The following ADAMTS17 variants were observed in gnomAD, a reference collection of about 807,000 sequenced individuals.
The protein encoded by ADAMTS17 is A disintegrin and metalloproteinase with thrombospondin motifs 17.
In ADAMTS17, 113 loss-of-function variants were observed where a neutral mutation model predicts 141.5. The ratio of observed to expected loss-of-function variants is 0.80; its 90% CI spans 0.69 to 0.93. ADAMTS17 has a LOEUF of 0.93. ADAMTS17 is among the 40% of genes least tolerant of loss of function. ADAMTS17 has a pLI of 0.00. For missense variants in ADAMTS17, 1,659 were observed against 1,517.9 expected (o/e 1.09, Z -1.54); for synonymous variants, 768 against 630.6 (o/e 1.22, Z -3.27).
intron 4 of ADAMTS17, among the ~76,000 whole-genome samples, chr15:100,280,877 C>T (rs373570455): frequency 6.6e-6 from 1 of 152,148 alleles, no homozygotes; most frequent in Non-Finnish European, 1.5e-5. Context: ...TTGTTCCCCC[C>T]GCTAGACTAT....
intron 17 of ADAMTS17, among the ~76,000 whole-genome samples, chr15:100,049,360 A>G (rs2031963844): frequency 6.6e-6 from 1 of 152,202 alleles, no homozygotes; most frequent in Non-Finnish European, 1.5e-5. Flanking sequence ...TCTGATCTCA[A>G]TTAAAGACCT....
chr15:100,279,358 CTCTG>C (rs1284005797), intron 4 of ADAMTS17, among the ~76,000 whole-genome samples: 4 of 152,228 alleles, frequency 2.6e-5, no homozygotes, highest in Non-Finnish European at 5.9e-5. Flanking sequence ...CCAGCCCAGG[CTCTG>C]CACCTTCGCT....
At chr15:100,272,270 T>C (rs1044819585) in intron 4 of ADAMTS17, among the ~76,000 whole-genome samples, 4 of 152,160 alleles carry the variant, frequency 2.6e-5, no homozygotes, top group East Asian at 1.9e-4. Flanking sequence ...AGAAATTGCA[T>C]TGAATCTGTA....
chr15:100,205,224 C>T (rs2041490251), intron 7 of ADAMTS17, among the ~76,000 whole-genome samples: 1 of 152,136 alleles, frequency 6.6e-6, no homozygotes, highest in Non-Finnish European at 1.5e-5. Flanking sequence ...TCGAGGGTCC[C>T]TGGGCTGGAG....
At chr15:100,084,491 G>A (rs2034966880) in intron 15 of ADAMTS17, among the ~76,000 whole-genome samples, 1 of 152,214 alleles carries the variant, frequency 6.6e-6, no homozygotes, top group Non-Finnish European at 1.5e-5. Flanking sequence ...CTTGAAGAGA[G>A]TAGTAGTTCT....
At chr15:100,127,773 G>A in intron 12 of ADAMTS17, among the ~76,000 whole-genome samples, 1 of 134,034 alleles carries the variant, frequency 7.5e-6, no homozygotes, top group East Asian at 2.7e-4. Flanking sequence ...GTAGAGACAG[G>A]GTTTCACCAT....
chr15:100,312,913 T>G (rs1191136215), intron 3 of ADAMTS17, among the ~76,000 whole-genome samples: 1 of 152,168 alleles, frequency 6.6e-6, no homozygotes, highest in Non-Finnish European at 1.5e-5. Context: ...CCTTACACAT[T>G]TAAATTGGAA....
intron 13 of ADAMTS17, among the ~76,000 whole-genome samples, chr15:100,111,211 G>A (rs928387673): frequency 3.3e-5 from 5 of 152,170 alleles, no homozygotes; most frequent in Admixed American, 6.5e-5. Context: ...AGACAGACAC[G>A]TGATGTTTGC....
At position 100,318,694 on chromosome 15, in the gene ADAMTS17, C is replaced by T. The variant is rs940954131; in HGVS notation, c.616+12195G>A. On this transcript the variant is annotated intron_variant, in intron 3 of 21. Transcript: ENST00000268070. ...CTTAGGCAAATGCAAAATAAACAAA[C>T]GGGAAAATCTCCTGTTCCAGAAAGG... 3.3e-5 allele frequency among the ~76,000 whole-genome samples: 5 copies of T among 152,194 alleles called. 1 individual carries two copies. Among genetic ancestry groups the T allele is most frequent in the Admixed American group, 1.3e-4 (2 of 15,288 alleles).
At chr15:100,193,255 A>G (rs1461691154) in intron 8 of ADAMTS17, among the ~76,000 whole-genome samples, 1 of 152,152 alleles carries the variant, frequency 6.6e-6, no homozygotes, top group Non-Finnish European at 1.5e-5. Context: ...GTCCTCCTTG[A>G]GGTCTCCCGG....
At chr15:100,260,275 C>A (rs149202341) in intron 6 of ADAMTS17, among the ~76,000 whole-genome samples, 121 of 152,286 alleles carry the variant, frequency 7.9e-4, no homozygotes, top group Admixed American at 3.2e-3. Context: ...GAAATGCAAC[C>A]AAAAGCCTTT....
intron 21 of ADAMTS17, 92 bp from the exon 22 acceptor site, chr15:99,974,654 G>T: frequency 6.5e-7 from 1 of 1,532,134 alleles, no homozygotes; most frequent in South Asian, 1.1e-5. Context: ...CTGACCGTCT[G>T]GGCTCCCTCA....
At chr15:100,164,367 T>C (rs917858415) in intron 8 of ADAMTS17, among the ~76,000 whole-genome samples, 1 of 144,458 alleles carries the variant, frequency 6.9e-6, no homozygotes, top group Non-Finnish European at 1.5e-5. Flanking sequence ...CATCTATGAC[T>C]AAACAGGGAT....
At chr15:100,112,479 TGAG>T (rs964031915) in intron 13 of ADAMTS17, among the ~76,000 whole-genome samples, 10 of 152,082 alleles carry the variant, frequency 6.6e-5, no homozygotes, top group Admixed American at 6.6e-4. Flanking sequence ...TTTTAAAATG[TGAG>T]GAGGAGGCTC....
chr15:100,327,053 T>C (rs1242368888), intron 3 of ADAMTS17, among the ~76,000 whole-genome samples: 3 of 152,292 alleles, frequency 2.0e-5, no homozygotes, highest in Middle Eastern at 3.4e-3. Context: ...TGCCAGAGGT[T>C]GCACATTTTT....
chr15:99,971,600 TATG>T lies in ADAMTS17; in HGVS notation c.*2799_*2801del, dbSNP rs2060205066. 2 of 152,308 alleles carry T rather than the reference TATG, an allele frequency of 1.3e-5. No homozygotes were observed. Among genetic ancestry groups the T allele is most frequent in the East Asian group, 3.9e-4 (2 of 5,186 alleles). The allele number at this position is 152,308 out of a possible 1,614,324, so 9.4% of individuals were successfully genotyped here. On this transcript the variant is annotated 3_prime_UTR_variant, in exon 22 of 22. Transcript: ENST00000268070. ...TAAAACAAAAATTCCATGGGTACAGTATGTAATGCAAGTTAACGAATGGAAAAT... is the reference window on the plus strand; with the variant it reads ...TAAAACAAAAATTCCATGGGTACAGTTAATGCAAGTTAACGAATGGAAAAT...
intron 8 of ADAMTS17, among the ~76,000 whole-genome samples, chr15:100,159,142 A>G (rs533064874): frequency 6.6e-6 from 1 of 152,240 alleles, no homozygotes; most frequent in Non-Finnish European, 1.5e-5. Context: ...AAAAAATTGA[A>G]ACCAGAATCT....
chr15:100,221,829 A>G (rs2042142441), intron 7 of ADAMTS17, among the ~76,000 whole-genome samples: 1 of 152,176 alleles, frequency 6.6e-6, no homozygotes. Context: ...AGGGCCTGAA[A>G]TAAGGCTGCT....
intron 18 of ADAMTS17, among the ~76,000 whole-genome samples, chr15:100,040,795 A>T (rs1304065877): frequency 2.0e-5 from 3 of 152,214 alleles, no homozygotes; most frequent in Admixed American, 6.5e-5. Context: ...GACAGGTGAC[A>T]TCCTGAAATT....
Sources: allele counts gnomAD v4.1 joint callset (sites outside exome capture counted in the v4.1 genomes callset), GRCh38; gene constraint gnomAD v4.1.1; transcripts MANE v1.5; gene names NCBI Gene and HGNC (gene_info 2026-07-23, HGNC 2026-07-21).